NSL1: variants seen among roughly 807,000 people sequenced by gnomAD.
The protein encoded by NSL1 is kinetochore-associated protein NSL1 homolog.
NSL1 carries 11 observed loss-of-function variants against 25.4 expected under a neutral mutation model. That is an observed-to-expected ratio of 0.43 (90% CI 0.27 to 0.72). The LOEUF (loss-of-function observed/expected upper bound fraction) is 0.72, where lower values mean the gene tolerates loss of function less well. NSL1 is among the 30% of genes least tolerant of loss of function. The pLI is 0.19. For synonymous variants in NSL1, 118 were observed against 120.6 expected (o/e 0.98, Z 0.14); for missense variants, 330 against 342.7 (o/e 0.96, Z 0.29).
chr1:212,736,528 T>C lies in NSL1; in HGVS notation c.*1880A>G. On this transcript the variant is annotated 3_prime_UTR_variant, in exon 6 of 6. Coordinates refer to ENST00000366977, the MANE Select transcript of NSL1 (RefSeq NM_015471.4). ...TCTTACACAGTATACTTATTCAATATTATTACTGCTATTGGTCATGCTTTT... is the reference window on the plus strand; with the variant it reads ...TCTTACACAGTATACTTATTCAATACTATTACTGCTATTGGTCATGCTTTT... 1 of 984,450 alleles carries C rather than the reference T, an allele frequency of 1.0e-6. No homozygotes were observed. The highest frequency in any genetic ancestry group is 1.2e-6 in the Non-Finnish European group (1 of 829,038). The allele number at this position is 984,450 out of a possible 1,614,324, so 61.0% of individuals were successfully genotyped here.
At chr1:212,758,877 T>C (rs11806535) in intron 4 of NSL1, among the ~76,000 whole-genome samples, 27,220 of 152,148 alleles carry the variant, frequency 0.18, 2,757 homozygotes, top group African/African-American at 0.28. Context: ...CTTTCTGATT[T>C]CAAAATTTCT....
At position 212,743,403 on chromosome 1, in the gene NSL1, T is replaced by A. The variant is rs536512369; in HGVS notation, c.500-3802A>T. 2.3e-4 allele frequency among the ~76,000 whole-genome samples: 35 copies of A among 151,956 alleles called. No individual in the cohort carries two copies. In the South Asian group the frequency reaches 7.3e-3, roughly 32 times the overall value. On this transcript the variant is annotated intron_variant, in intron 4 of 5. Transcript: ENST00000366977. ...TGGCCTCGATCTCTTGACCTTGTGA[T>A]CCGCCCGCCTTGGCCTCCCAAAGTG... is the stretch of plus-strand genomic sequence containing the variant.
chr1:212,764,702 C>T (rs1052170249), intron 4 of NSL1, among the ~76,000 whole-genome samples: 2 of 151,448 alleles, frequency 1.3e-5, no homozygotes, highest in African/African-American at 4.8e-5. Context: ...AAAAATCAGC[C>T]AGGCATGGTG....
chr1:212,757,583 G>A (rs1175992750), intron 4 of NSL1, among the ~76,000 whole-genome samples: 1 of 152,134 alleles, frequency 6.6e-6, no homozygotes. Flanking sequence ...AAGGAGGAAC[G>A]GTACATCCAT....
chr1:212,732,751 T>C lies in NSL1; in HGVS notation c.*5657A>G, dbSNP rs1658074966. 7.9e-6 allele frequency: 5 copies of C among 633,312 alleles called. No individual in the cohort carries two copies. Among genetic ancestry groups the C allele is most frequent in the Non-Finnish European group, 9.8e-6 (5 of 508,254 alleles). The allele number at this position is 633,312 out of a possible 1,614,324, so 39.2% of individuals were successfully genotyped here. ...ACCCTTTGGAATAGAGCACAGCCCC[T>C]GGTAGAACCCCCAAACGGGATGCCT... On this transcript the variant is annotated 3_prime_UTR_variant, in exon 6 of 6. Transcript: ENST00000366977.
intron 4 of NSL1, among the ~76,000 whole-genome samples, chr1:212,745,908 G>A (rs1451101708): frequency 1.3e-5 from 2 of 152,228 alleles, no homozygotes; most frequent in African/African-American, 4.8e-5. Flanking sequence ...TGAGGCTGCA[G>A]TGAGCTATGA....
In NSL1 at chr1:212,730,120, C is replaced by T. The variant is rs1329694430; in HGVS notation, c.*8288G>A. On this transcript the variant is annotated 3_prime_UTR_variant, in exon 6 of 6. Transcript: ENST00000366977. The stretch of plus-strand genomic sequence containing the variant: ...CAAATATTAGCCCAGCATGGTAGCA[C>T]GCGCCTGTAATCCCAGCTACTCGGG... The T allele has an allele frequency of 1.2e-6, 1 of 805,788 alleles. No homozygotes were observed. The highest frequency in any genetic ancestry group is 1.5e-6 in the Non-Finnish European group (1 of 667,126). 49.9% of individuals were successfully genotyped at this position (805,788 alleles called of 1,614,324 possible). A position where few individuals can be genotyped will look rare whatever the true frequency, so the allele number is the denominator to read the frequency against.
chr1:212,762,306 C>A (rs76241007), intron 4 of NSL1, among the ~76,000 whole-genome samples: 5,503 of 113,270 alleles, frequency 0.049, 2 homozygotes, highest in Non-Finnish European at 0.054. Context: ...TTAAAAGAAA[C>A]AAAAAAAAAA....
At chr1:212,742,097 A>T (rs887671511) in intron 4 of NSL1, among the ~76,000 whole-genome samples, 25 of 152,202 alleles carry the variant, frequency 1.6e-4, no homozygotes, top group Admixed American at 1.6e-3. Context: ...TACTATTCTA[A>T]AGCAAAATTC....
rs536599197 is a variant in NSL1, at chr1:212,763,204, T to C, written c.499+19168A>G. On this transcript the variant is annotated intron_variant, in intron 4 of 5. Transcript: ENST00000366977. ...TACTCTCCACTCCCTTTGGGAACTC[T>C]TCTATGCAGCAGATGCAGTTAACTA... is the stretch of plus-strand genomic sequence containing the variant. Among the ~76,000 whole-genome samples the C allele has an allele frequency of 7.2e-5, 11 of 152,294 alleles. 1 individual carries two copies. The South Asian group carries it at 1.7e-3, about 23-fold the overall frequency.
chr1:212,730,526 C>A lies in NSL1; in HGVS notation c.*7882G>T. ...TGATAGAAATGCCCAATCTTTTACA[C>A]AGGCACAGGAGTCAGCTGGAGCAGA... is the stretch of plus-strand genomic sequence containing the variant. On this transcript the variant is annotated 3_prime_UTR_variant, in exon 6 of 6. Coordinates refer to ENST00000366977, the MANE Select transcript of NSL1 (RefSeq NM_015471.4). 1 of 985,160 alleles carries A rather than the reference C, an allele frequency of 1.0e-6. No homozygotes were observed. The highest frequency in any genetic ancestry group is 1.2e-6 in the Non-Finnish European group (1 of 829,764). 61.0% of individuals were successfully genotyped at this position (985,160 alleles called of 1,614,324 possible).
chr1:212,738,441 T>G lies in NSL1; in HGVS notation c.813A>C (p.Pro271=). ...TKDCPQRKWY[P]LRPKKINLDT is the part of the protein sequence containing the mutation. ...CAAGATTAATTTTCTTTGGCCGCAA[T>G]GGATACCATTTTCTCTGGGGGCAGT... Residue 271 remains proline, a synonymous_variant, in exon 6 of 6, where the codon CCA becomes CCC. Transcript: ENST00000366977. 1 of 1,613,370 alleles carries G rather than the reference T, an allele frequency of 6.2e-7. No individual in the cohort carries two copies. The highest frequency in any genetic ancestry group is 8.5e-7 in the Non-Finnish European group (1 of 1,179,836).
intron 4 of NSL1, among the ~76,000 whole-genome samples, chr1:212,754,324 A>G (rs1659198674): frequency 6.6e-6 from 1 of 152,206 alleles, no homozygotes; most frequent in African/African-American, 2.4e-5. Context: ...CTAAAGCTGC[A>G]GGCCTACCGG....
In NSL1 at chr1:212,727,193, TG is replaced by T; in HGVS notation, c.*11214del. ...CAGGCTTGGCTCCTAATGTGTTAAATGGGGGTGAATGGAATTTAGAAGATCT... is the reference window on the plus strand; with the variant it reads ...CAGGCTTGGCTCCTAATGTGTTAAATGGGGTGAATGGAATTTAGAAGATCT... On this transcript the variant is annotated 3_prime_UTR_variant, in exon 6 of 6. Transcript: ENST00000366977. The T allele has an allele frequency of 6.5e-7, 1 of 1,534,758 alleles. No homozygotes were observed.
chr1:212,774,830 C>T (rs1053176946), intron 4 of NSL1, among the ~76,000 whole-genome samples: 1 of 152,156 alleles, frequency 6.6e-6, no homozygotes, highest in African/African-American at 2.4e-5. Context: ...TGTGGGTATA[C>T]ATACTCTGGA....
chr1:212,731,481 A>G lies in NSL1; in HGVS notation c.*6927T>C. ...AACCCTGAAAAACTGAAACCCCGAG[A>G]AAGGTTCTAGGGGATGATTTGTCTC... is the stretch of plus-strand genomic sequence containing the variant. On this transcript the variant is annotated 3_prime_UTR_variant, in exon 6 of 6. Transcript: ENST00000366977. The G allele has an allele frequency of 1.0e-6, 1 of 985,410 alleles. No homozygotes were observed. The highest frequency in any genetic ancestry group is 1.2e-6 in the Non-Finnish European group (1 of 829,928). The allele number at this position is 985,410 out of a possible 1,614,324, so 61.0% of individuals were successfully genotyped here.
chr1:212,738,949 C>T (rs1433979956), intron 5 of NSL1, among the ~76,000 whole-genome samples: 2 of 151,922 alleles, frequency 1.3e-5, no homozygotes, highest in East Asian at 1.9e-4. Flanking sequence ...TTTTAGTAGA[C>T]GTGGACTTTC....
intron 4 of NSL1, among the ~76,000 whole-genome samples, chr1:212,774,853 T>C (rs1018010671): frequency 6.6e-6 from 1 of 152,206 alleles, no homozygotes; most frequent in Non-Finnish European, 1.5e-5. Flanking sequence ...ACTGGAAACA[T>C]ATCCGTACAG....
At chr1:212,788,704 T>C (rs73083743) in intron 1 of NSL1, among the ~76,000 whole-genome samples, 15,336 of 152,216 alleles carry the variant, frequency 0.1, 912 homozygotes, top group African/African-American at 0.16. Flanking sequence ...GCTAGAAATG[T>C]TCATTTCAGC....
Sources: gnomAD v4.1 joint callset for allele counts (sites outside exome capture counted in the v4.1 genomes callset) on GRCh38, gnomAD v4.1.1 for gene constraint, MANE v1.5 for transcripts, NCBI Gene and HGNC (gene_info 2026-07-23, HGNC 2026-07-21) for gene names.